ARHGEF10: variants seen among roughly 807,000 people sequenced by gnomAD.
ARHGEF10 encodes Rho guanine nucleotide exchange factor (GEF) 10.
ARHGEF10 carries 140 observed loss-of-function variants against 147.4 expected under a neutral mutation model. The observed-to-expected ratio is 0.95, with a 90% confidence interval of 0.83 to 1.09. The LOEUF (loss-of-function observed/expected upper bound fraction) is 1.09. ARHGEF10 is among the 50% of genes least tolerant of loss of function. The pLI is 0.00. For synonymous variants in ARHGEF10, 902 were observed against 695.8 expected (o/e 1.30, Z -4.67); for missense variants, 2,222 against 1,752.7 (o/e 1.27, Z -4.78).
chr8:1,950,198 G>A (rs1814917572), intron 27 of ARHGEF10, among the ~76,000 whole-genome samples: 1 of 152,150 alleles, frequency 6.6e-6, no homozygotes, highest in South Asian at 2.1e-4. Flanking sequence ...ACCTCACGTG[G>A]GCTCCAACTC....
intron 4 of ARHGEF10, among the ~76,000 whole-genome samples, chr8:1,863,040 C>A (rs1212067950): frequency 3.3e-5 from 5 of 152,102 alleles, no homozygotes; most frequent in Admixed American, 6.5e-5. Flanking sequence ...GCCTCAGCCT[C>A]CGAAAGTGCT....
intron 7 of ARHGEF10, among the ~76,000 whole-genome samples, chr8:1,874,548 T>G (rs1563211871): frequency 6.6e-6 from 1 of 152,176 alleles, no homozygotes; most frequent in Non-Finnish European, 1.5e-5. Context: ...TGCGAGGAAA[T>G]AGGGGATGGA....
In ARHGEF10 at chr8:1,957,461, A is replaced by G; in HGVS notation, c.*198A>G. On this transcript the variant is annotated 3_prime_UTR_variant, in exon 29 of 29. Coordinates refer to ENST00000349830, the MANE Select transcript of ARHGEF10 (RefSeq NM_014629.4). ...TCTCTTCTGTACAGCAGAAGTAATT[A>G]CAAGCACTTCTCACGAAGGCAGAAG... 3 of 765,312 alleles carry G rather than the reference A, an allele frequency of 3.9e-6. No individual in the cohort carries two copies. Among genetic ancestry groups the G allele is most frequent in the Non-Finnish European group, 6.2e-6 (3 of 487,280 alleles). The allele number at this position is 765,312 out of a possible 1,614,324, so 47.4% of individuals were successfully genotyped here. A position where few individuals can be genotyped will look rare whatever the true frequency, so the allele number is the denominator to read the frequency against.
chr8:1,843,248 A>C, intron 1 of ARHGEF10, 105 bp from the exon 2 acceptor site: 1 of 784,528 alleles, frequency 1.3e-6, no homozygotes, highest in South Asian at 1.5e-5. Flanking sequence ...TAGTAATGAC[A>C]GTTAGCTCTT....
chr8:1,919,139 ATGGGTGATGGAGCTGTTCCG>A (rs1811999448), intron 18 of ARHGEF10, among the ~76,000 whole-genome samples: 1 of 96,726 alleles, frequency 1.0e-5, no homozygotes, highest in African/African-American at 4.0e-5. Context: ...GAGCTGTTCC[ATGGGTGATGGAGCTGTTCCG>A]TGGGTGATGG....
At chr8:1,906,524 A>C (rs937919686) in intron 17 of ARHGEF10, among the ~76,000 whole-genome samples, 1 of 152,104 alleles carries the variant, frequency 6.6e-6, no homozygotes, top group Non-Finnish European at 1.5e-5. Context: ...CCTATTTTTC[A>C]TGCCCGTCGC....
chr8:1,918,465 T>C (rs1349653678), intron 18 of ARHGEF10, among the ~76,000 whole-genome samples: 7 of 34,212 alleles, frequency 2.0e-4, no homozygotes, highest in Non-Finnish European at 3.4e-4. Context: ...GATGGCTGTG[T>C]GTGTGTGTGT....
intron 1 of ARHGEF10, among the ~76,000 whole-genome samples, chr8:1,825,859 A>C (rs1183342543): frequency 6.6e-6 from 1 of 152,266 alleles, no homozygotes; most frequent in Non-Finnish European, 1.5e-5. Flanking sequence ...GATTCTGTGC[A>C]GGAGTGACTT....
chr8:1,879,116 T>C (rs1807960291), intron 8 of ARHGEF10, among the ~76,000 whole-genome samples: 1 of 152,218 alleles, frequency 6.6e-6, no homozygotes, highest in African/African-American at 2.4e-5. Context: ...TCAAAAAATC[T>C]CGAATTTTGT....
chr8:1,901,026 T>C (rs1023833772), intron 15 of ARHGEF10, among the ~76,000 whole-genome samples: 1 of 152,130 alleles, frequency 6.6e-6, no homozygotes, highest in South Asian at 2.1e-4. Flanking sequence ...TCCTAGAGTG[T>C]TCTCGGAGGG....
intron 10 of ARHGEF10, among the ~76,000 whole-genome samples, chr8:1,883,857 T>C (rs1350586913): frequency 6.6e-6 from 1 of 151,856 alleles, no homozygotes; most frequent in East Asian, 1.9e-4. Context: ...CCTCAAGGAG[T>C]GTGTCTGCCA....
At chr8:1,940,199 G>T (rs897879035) in intron 26 of ARHGEF10, among the ~76,000 whole-genome samples, 1 of 152,124 alleles carries the variant, frequency 6.6e-6, no homozygotes, top group Non-Finnish European at 1.5e-5. Context: ...TCTGTCATAC[G>T]CCACGGTTGT....
chr8:1,825,394 C>A (rs1802705588), intron 1 of ARHGEF10, among the ~76,000 whole-genome samples: 1 of 103,548 alleles, frequency 9.7e-6, no homozygotes, highest in Non-Finnish European at 2.0e-5. Context: ...TGTCCTGCAC[C>A]CCACCTGTCC....
rs11136435 is a variant in ARHGEF10 at position 1,843,519 on chromosome 8, A to G, written c.37+83A>G. 495,235 of 1,065,908 alleles carry G rather than the reference A, an allele frequency of 0.46. 119,273 individuals are homozygous for G. The highest frequency in any genetic ancestry group is 0.5 in the Non-Finnish European group (352,816 of 702,092). 66.0% of individuals were successfully genotyped at this position (1,065,908 alleles called of 1,614,324 possible). A position where few individuals can be genotyped will look rare whatever the true frequency, so the allele number is the denominator to read the frequency against. ...GACGGGGTACTTCTGGAACCACTGAATTGCTGGTCACTGGGGTATGGGGTG... is the reference window on the plus strand; with the variant it reads ...GACGGGGTACTTCTGGAACCACTGAGTTGCTGGTCACTGGGGTATGGGGTG... On this transcript the variant is annotated intron_variant, in intron 2 of 28. Coordinates refer to ENST00000349830, the MANE Select transcript of ARHGEF10 (RefSeq NM_014629.4).
At chr8:1,905,860 CT>C in intron 17 of ARHGEF10, 144 bp downstream of exon 17, 1 of 987,438 alleles carries the variant, frequency 1.0e-6, no homozygotes, top group Non-Finnish European at 1.5e-6. Context: ...TAAGGGAACC[CT>C]TATAATAAGC....
intron 11 of ARHGEF10, among the ~76,000 whole-genome samples, chr8:1,892,078 C>T (rs191121391): frequency 1.0e-3 from 150 of 150,144 alleles, no homozygotes; most frequent in Admixed American, 1.5e-3. Context: ...TATGTTTGAC[C>T]CCCACAACTG....
In ARHGEF10 at chr8:1,903,295, C is replaced by T. The variant is rs1023542337; in HGVS notation, c.1665C>T (p.Asn555=). 1 of 1,613,980 alleles carries T rather than the reference C, an allele frequency of 6.2e-7. No homozygotes were observed. The highest frequency in any genetic ancestry group is 1.3e-5 in the African/African-American group (1 of 74,912). ...FILLLQDMLK[N]TSKGHPDRLP... is the part of the protein sequence containing the mutation. ...GTTGCTTGTAGGACATGCTGAAGAACACCTCCAAAGGCCACCCCGACAGGC... is the reference window on the plus strand; with the variant it reads ...GTTGCTTGTAGGACATGCTGAAGAATACCTCCAAAGGCCACCCCGACAGGC... The change falls in exon 16 of 29, where the codon AAC becomes AAT. Residue 555 remains asparagine, a synonymous_variant. Coordinates refer to ENST00000349830, the MANE Select transcript of ARHGEF10 (RefSeq NM_014629.4).
intron 1 of ARHGEF10, among the ~76,000 whole-genome samples, chr8:1,831,263 C>CGTGGAGGGACAGTGTGACGGCT (rs1247241211): frequency 3.6e-5 from 5 of 137,156 alleles, no homozygotes; most frequent in South Asian, 2.4e-4. Flanking sequence ...CAGTGGCAGC[C>CGTGGAGGGACAGTGTGACGGCT]GTGGAGGGAC....
chr8:1,957,476 G>A lies in ARHGEF10; in HGVS notation c.*213G>A, dbSNP rs1478884971. 11 of 697,980 alleles carry A rather than the reference G, an allele frequency of 1.6e-5. No homozygotes were observed. The highest frequency in any genetic ancestry group is 2.3e-5 in the Non-Finnish European group (10 of 427,220). The allele number at this position is 697,980 out of a possible 1,614,324, so 43.2% of individuals were successfully genotyped here. Reference sequence around the variant, plus strand: ...AGAAGTAATTACAAGCACTTCTCACGAAGGCAGAAGACTGATGCAATTTTC... The same window carrying A: ...AGAAGTAATTACAAGCACTTCTCACAAAGGCAGAAGACTGATGCAATTTTC... On this transcript the variant is annotated 3_prime_UTR_variant, in exon 29 of 29. Transcript: ENST00000349830.
Sources: allele counts gnomAD v4.1 joint callset (sites outside exome capture counted in the v4.1 genomes callset), GRCh38; gene constraint gnomAD v4.1.1; transcripts MANE v1.5; gene names NCBI Gene and HGNC (gene_info 2026-07-23, HGNC 2026-07-21).